Variants in TRAK1 observed in about 807,000 individuals in gnomAD.
TRAK1 encodes trafficking kinesin-binding protein 1.
In TRAK1, 33 loss-of-function variants were observed where a neutral mutation model predicts 92.1. The observed-to-expected ratio is 0.36, with a 90% CI of 0.27 to 0.48. The LOEUF is 0.48. Ranked by LOEUF, TRAK1 falls within the 20% of genes least tolerant of loss-of-function variation. TRAK1 has a pLI of 0.99. For synonymous variants in TRAK1, 521 were observed against 517.3 expected, an observed-to-expected ratio of 1.01 and a Z score of -0.10; for missense variants, 1,123 against 1,257.9, an observed-to-expected ratio of 0.89 and a Z score of 1.62.
intron 1 of TRAK1, among the ~76,000 whole-genome samples, chr3:42,073,844 A>G (rs1296629632): frequency 1.3e-5 from 2 of 152,212 alleles, no homozygotes; most frequent in Non-Finnish European, 2.9e-5. Flanking sequence ...GACGGGAGGA[A>G]CAGACCTCTT....
chr3:42,198,440 C>G (rs1485844528), intron 10 of TRAK1, among the ~76,000 whole-genome samples: 1 of 152,180 alleles, frequency 6.6e-6, no homozygotes, highest in Non-Finnish European at 1.5e-5. Flanking sequence ...CTAGTGGAAA[C>G]AGGAATCCTA....
chr3:42,023,157 C>CAAA (rs371646962), intron 1 of TRAK1, among the ~76,000 whole-genome samples: 4,720 of 110,696 alleles, frequency 0.043, 393 homozygotes, highest in African/African-American at 0.13. Context: ...GACTGCATCT[C>CAAA]AAAAAAAAAA....
At chr3:42,150,680 C>G (rs557550883) in intron 2 of TRAK1, among the ~76,000 whole-genome samples, 35 of 152,248 alleles carry the variant, frequency 2.3e-4, no homozygotes. Context: ...ACATAATTAT[C>G]TCTTATCCAC....
chr3:42,174,759 G>C (rs532270791), intron 2 of TRAK1, among the ~76,000 whole-genome samples: 1 of 150,206 alleles, frequency 6.7e-6, no homozygotes, highest in Non-Finnish European at 1.5e-5. Flanking sequence ...TGGAGACAGG[G>C]TTTTGCCATG....
At chr3:42,033,457 C>A (rs1702222275) in intron 1 of TRAK1, among the ~76,000 whole-genome samples, 1 of 152,132 alleles carries the variant, frequency 6.6e-6, no homozygotes. Flanking sequence ...GGCGTGGTGG[C>A]ACACGCCTGT....
rs116415012 is a variant in TRAK1 at position 42,191,220 on chromosome 3, A to G, written c.691-338A>G. 6.7e-3 allele frequency among the ~76,000 whole-genome samples: 1,019 copies of G among 152,212 alleles called. 6 individuals carry two copies. The highest frequency in any genetic ancestry group is 0.022 in the African/African-American group (896 of 41,532). ...TGCGGGTCACAGAGCATCCATATTT[A>G]TGAGCCAGGACAGCCACAAATAACA... is the stretch of plus-strand genomic sequence containing the variant. On this transcript the variant is annotated intron_variant, in intron 6 of 15. Coordinates refer to ENST00000327628, the MANE Select transcript of TRAK1 (RefSeq NM_001042646.3).
At chr3:42,015,206 C>T (rs1373468894) in intron 1 of TRAK1, among the ~76,000 whole-genome samples, 2 of 152,210 alleles carry the variant, frequency 1.3e-5, no homozygotes, top group Non-Finnish European at 2.9e-5. Context: ...GCTCTTTGAT[C>T]TTGGACCTCA....
At chr3:42,108,165 T>C (rs112103873) in intron 1 of TRAK1, among the ~76,000 whole-genome samples, 4,084 of 152,124 alleles carry the variant, frequency 0.027, 204 homozygotes, top group African/African-American at 0.094. Context: ...ATGGCCACCA[T>C]GTGTCTACCA....
At chr3:42,214,368 C>T (rs1300171368) in intron 14 of TRAK1, among the ~76,000 whole-genome samples, 1 of 152,182 alleles carries the variant, frequency 6.6e-6, no homozygotes, top group African/African-American at 2.4e-5. Context: ...GCCAGGCCAG[C>T]TCCCTTCACC....
At chr3:42,133,597 C>A (rs1341106287) in intron 2 of TRAK1, among the ~76,000 whole-genome samples, 1 of 152,288 alleles carries the variant, frequency 6.6e-6, no homozygotes, top group Middle Eastern at 3.4e-3. Flanking sequence ...TCTGTGGCAT[C>A]CCCCACTTCC....
chr3:42,099,558 G>C (rs570931612), intron 1 of TRAK1, among the ~76,000 whole-genome samples: 3 of 152,338 alleles, frequency 2.0e-5, no homozygotes, highest in African/African-American at 7.2e-5. Context: ...ACGATGGTGA[G>C]CTAAGCCTGT....
chr3:42,202,497 A>G lies in TRAK1; in HGVS notation c.1489A>G (p.Thr497Ala), dbSNP rs1213633074. 1 of 1,503,844 alleles carries G rather than the reference A, an allele frequency of 6.6e-7. No homozygotes were observed. The highest frequency in any genetic ancestry group is 2.2e-5 in the Admixed American group (1 of 46,084). The allele number at this position is 1,503,844 out of a possible 1,614,324, so 93.2% of individuals were successfully genotyped here. Residue 497 changes from threonine to alanine, a missense_variant, in exon 13 of 16, where the codon ACG (threonine) becomes GCG (alanine). This residue lies in a region of TRAK1 where 686 missense variants were observed against 747.6 expected (regional missense o/e 0.92). Transcript: ENST00000327628. The surrounding 1 kb of genome is among the most constrained non-coding windows in gnomAD (Gnocchi z 6.1). ...PGTPGSHDLE[T>A]ALRRLSLRRE... ...CACCCCAGGCTCCCACGACCTGGAG[A>G]CGGCGCTGAGGCGGCTGTCCCTGCG...
At chr3:42,200,078 C>T (rs1707308139) in intron 11 of TRAK1, among the ~76,000 whole-genome samples, 1 of 152,178 alleles carries the variant, frequency 6.6e-6, no homozygotes, top group African/African-American at 2.4e-5. Flanking sequence ...TTGTAAGGAA[C>T]ATGTGGACCA....
intron 15 of TRAK1, 144 bp from the exon 16 acceptor site, chr3:42,222,798 C>T: frequency 1.3e-6 from 1 of 783,196 alleles, no homozygotes; most frequent in Non-Finnish European, 2.0e-6. Flanking sequence ...CAGACGTGGA[C>T]AGAGCCTTTG....
At chr3:42,039,815 T>C (rs968126540) in intron 1 of TRAK1, among the ~76,000 whole-genome samples, 3 of 152,252 alleles carry the variant, frequency 2.0e-5, no homozygotes, top group African/African-American at 7.2e-5. Context: ...TTCCTATGTG[T>C]CTGCACCATT....
At chr3:42,107,515 A>G (rs1174757110) in intron 1 of TRAK1, among the ~76,000 whole-genome samples, 2 of 151,538 alleles carry the variant, frequency 1.3e-5, no homozygotes. Context: ...CGTTTCAAAA[A>G]AGAAAAAAAA....
rs192218534 is a variant in TRAK1 at position 42,156,164 on chromosome 3, C to T, written c.287-20650C>T. Among the ~76,000 whole-genome samples the T allele has an allele frequency of 2.0e-5, 3 of 152,346 alleles. No homozygotes were observed. The East Asian group carries it at 5.8e-4, about 29-fold the overall frequency. On this transcript the variant is annotated intron_variant, in intron 2 of 15. Transcript: ENST00000327628. ...CCATCCCTTGGTTGGCACAGGGATT[C>T]CCAGGCTTTCTTGCCGGTCTTTGGG...
chr3:42,023,744 G>GTTT (rs780080581), intron 1 of TRAK1, among the ~76,000 whole-genome samples: 14 of 99,054 alleles, frequency 1.4e-4, no homozygotes, highest in East Asian at 2.8e-4. Context: ...GCTCGTGAGG[G>GTTT]TTTTTTTTTT....
chr3:42,038,503 C>T (rs1336853874), intron 1 of TRAK1, among the ~76,000 whole-genome samples: 8 of 152,162 alleles, frequency 5.3e-5, no homozygotes, highest in East Asian at 1.9e-4. Context: ...TTTTTTGTAG[C>T]GGCCAGGCAC....
Sources: gnomAD v4.1 joint callset for allele counts (sites outside exome capture counted in the v4.1 genomes callset) on GRCh38, gnomAD v4.1.1 for gene constraint, gnomAD v4.1.1 regional missense constraint, Gnocchi (gnomAD v3.1) non-coding constraint, MANE v1.5 for transcripts, NCBI Gene and HGNC (gene_info 2026-07-23, HGNC 2026-07-21) for gene names.